The following ANKRD33B variants were observed in gnomAD, a reference collection of about 807,000 sequenced individuals.
ANKRD33B encodes the protein ankyrin repeat domain 33B, also known as ankyrin repeat domain-containing protein 33B.
Under a neutral mutation model 21.5 loss-of-function variants are expected in ANKRD33B, and 6 were observed. That is an observed-to-expected ratio of 0.28 (90% CI 0.15 to 0.55). ANKRD33B has a LOEUF of 0.55. Ranked by LOEUF, ANKRD33B falls within the 20% of genes least tolerant of loss-of-function variation. The pLI is 0.94. For missense variants in ANKRD33B, 698 were observed against 747.2 expected (o/e 0.93, Z 0.77); for synonymous variants, 347 against 342.4 (o/e 1.01, Z -0.15).
chr5:10,570,428 G>T (rs1735155135), intron 1 of ANKRD33B, among the ~76,000 whole-genome samples: 1 of 152,180 alleles, frequency 6.6e-6, no homozygotes. Context: ...CCTTCAGCAG[G>T]CTGTCTCGGC....
chr5:10,569,029 T>C (rs1735117016), intron 1 of ANKRD33B, among the ~76,000 whole-genome samples: 1 of 152,178 alleles, frequency 6.6e-6, no homozygotes, highest in Non-Finnish European at 1.5e-5. Context: ...TTGAAATGTA[T>C]GTGAGAAAGT....
intron 1 of ANKRD33B, among the ~76,000 whole-genome samples, chr5:10,603,002 C>T (rs773961709): frequency 1.1e-4 from 16 of 151,872 alleles, no homozygotes; most frequent in Non-Finnish European, 1.9e-4. Flanking sequence ...TTTGTAGAGA[C>T]GCGGTTTTGC....
intron 1 of ANKRD33B, among the ~76,000 whole-genome samples, chr5:10,612,175 A>G (rs114999084): frequency 5.1e-4 from 78 of 152,360 alleles, no homozygotes; most frequent in Non-Finnish European, 9.1e-4. Flanking sequence ...TGTTTGGAGA[A>G]TAGCTTAATT....
intron 1 of ANKRD33B, among the ~76,000 whole-genome samples, chr5:10,571,263 G>T (rs560659427): frequency 6.6e-6 from 1 of 152,246 alleles, no homozygotes; most frequent in South Asian, 2.1e-4. Flanking sequence ...GTGCAGTGGT[G>T]CGATCTCGGC....
At chr5:10,622,028 C>T (rs1273224728) in intron 2 of ANKRD33B, among the ~76,000 whole-genome samples, 1 of 152,192 alleles carries the variant, frequency 6.6e-6, no homozygotes, top group African/African-American at 2.4e-5. Context: ...GAGGAGCCTC[C>T]AGAACTGTGA....
At chr5:10,618,861 A>G (rs1736348241) in intron 2 of ANKRD33B, among the ~76,000 whole-genome samples, 1 of 152,108 alleles carries the variant, frequency 6.6e-6, no homozygotes, top group Non-Finnish European at 1.5e-5. Flanking sequence ...CACGTGTAGA[A>G]GGTGACTTTG....
chr5:10,628,089 G>A (rs1560979907), intron 2 of ANKRD33B: 2 of 152,268 alleles, frequency 1.3e-5, no homozygotes, highest in Admixed American at 6.5e-5. Flanking sequence ...CTACTGGCCT[G>A]GTCTGGAGAA....
At chr5:10,613,898 CA>C (rs34433484) in intron 1 of ANKRD33B, among the ~76,000 whole-genome samples, 10,432 of 108,982 alleles carry the variant, frequency 0.096, 434 homozygotes, top group Middle Eastern at 0.16. Flanking sequence ...GACTCCATCT[CA>C]AAAAAAAAAA....
At chr5:10,635,477 G>A (rs1005182255) in intron 2 of ANKRD33B, among the ~76,000 whole-genome samples, 8 of 152,200 alleles carry the variant, frequency 5.3e-5, no homozygotes, top group African/African-American at 1.7e-4. Context: ...AAGCACCAGC[G>A]ACTGGCTGTG....
At chr5:10,599,164 C>T (rs569907225) in intron 1 of ANKRD33B, among the ~76,000 whole-genome samples, 24 of 152,088 alleles carry the variant, frequency 1.6e-4, no homozygotes, top group South Asian at 6.2e-4. Flanking sequence ...ACACAGTGTG[C>T]GCTCTGGTGC....
At chr5:10,577,057 C>G (rs777792174) in intron 1 of ANKRD33B, among the ~76,000 whole-genome samples, 2 of 152,084 alleles carry the variant, frequency 1.3e-5, no homozygotes, top group Non-Finnish European at 2.9e-5. Flanking sequence ...CAAGCCTTTC[C>G]TCTTTCTTTT....
chr5:10,611,837 C>T (rs368771254), intron 1 of ANKRD33B, among the ~76,000 whole-genome samples: 25 of 152,308 alleles, frequency 1.6e-4, no homozygotes, highest in African/African-American at 5.8e-4. Flanking sequence ...AAGTTTGCTG[C>T]CTGGTTGAGA....
intron 3 of ANKRD33B, among the ~76,000 whole-genome samples, chr5:10,641,225 C>CTTCTTT (rs1553995125): frequency 2.6e-5 from 2 of 77,450 alleles, no homozygotes; most frequent in Non-Finnish European, 5.5e-5. Context: ...TCTTCTTCTT[C>CTTCTTT]TTTTTTTTTT....
rs1737361690 is a variant in ANKRD33B at position 10,651,740 on chromosome 5, G to T, written c.*1627G>T. ...CTGTCTCAGGATGCAGGCAGGGCTG[G>T]TGCAGGCTTCTCCATACTCCCTTCC... is the stretch of plus-strand genomic sequence containing the variant. On this transcript the variant is annotated 3_prime_UTR_variant, in exon 4 of 4. Coordinates refer to ENST00000296657, the MANE Select transcript of ANKRD33B (RefSeq NM_001164440.2). 6.6e-6 allele frequency: 1 copy of T among 152,394 alleles called. No individual in the cohort carries two copies. The highest frequency in any genetic ancestry group is 1.5e-5 in the Non-Finnish European group (1 of 68,110). The allele number at this position is 152,394 out of a possible 1,614,324, so 9.4% of individuals were successfully genotyped here.
At chr5:10,596,848 C>G (rs1735828847) in intron 1 of ANKRD33B, among the ~76,000 whole-genome samples, 1 of 152,102 alleles carries the variant, frequency 6.6e-6, no homozygotes, top group Non-Finnish European at 1.5e-5. Flanking sequence ...CAGTGGACCT[C>G]TCAGCAGAAA....
At chr5:10,618,159 G>C (rs1736327808) in intron 1 of ANKRD33B, among the ~76,000 whole-genome samples, 174 bp from the exon 2 acceptor site, 1 of 152,188 alleles carries the variant, frequency 6.6e-6, no homozygotes, top group Non-Finnish European at 1.5e-5. Flanking sequence ...ACACATTTGA[G>C]AAGGATCGAG....
intron 1 of ANKRD33B, among the ~76,000 whole-genome samples, chr5:10,599,089 G>A (rs1299149762): frequency 2.0e-5 from 3 of 152,184 alleles, no homozygotes; most frequent in South Asian, 4.1e-4. Flanking sequence ...CAGAGGCAAA[G>A]ACCTGTTGTT....
chr5:10,642,593 AATG>A (rs1244785212), intron 3 of ANKRD33B, among the ~76,000 whole-genome samples: 1 of 152,118 alleles, frequency 6.6e-6, no homozygotes, highest in Admixed American at 6.5e-5. Context: ...AAATGAGGCT[AATG>A]ATAGCACCCA....
chr5:10,641,315 A>G (rs1220529860), intron 3 of ANKRD33B, among the ~76,000 whole-genome samples: 2 of 125,662 alleles, frequency 1.6e-5, no homozygotes, highest in Non-Finnish European at 1.6e-5. Flanking sequence ...TGCAACCTCC[A>G]CCTCCCGGGT....
Sources: gnomAD v4.1 joint callset for allele counts (sites outside exome capture counted in the v4.1 genomes callset) on GRCh38, gnomAD v4.1.1 for gene constraint, MANE v1.5 for transcripts, NCBI Gene and HGNC (gene_info 2026-07-23, HGNC 2026-07-21) for gene names.